The following KANK1 variants were observed in gnomAD, a reference collection of about 807,000 sequenced individuals.
The protein encoded by KANK1 is KN motif and ankyrin repeat domain-containing protein 1.
A neutral mutation model predicts 106.2 loss-of-function variants in KANK1; 109 were observed. The ratio of observed to expected loss-of-function variants is 1.03; its 90% CI spans 0.88 to 1.20. KANK1 has a LOEUF of 1.20. Ranked by LOEUF, KANK1 falls within the 50% of genes most tolerant of loss-of-function variation. The probability of loss-of-function intolerance (pLI) is 0.00; values close to 1 mark genes in which losing one functional copy is unlikely to be tolerated. For missense variants in KANK1, 2,399 were observed against 1,710.7 expected, an observed-to-expected ratio of 1.40 and a Z score of -7.10; for synonymous variants, 873 against 652.2, an observed-to-expected ratio of 1.34 and a Z score of -5.16.
chr9:689,705 T>A (rs1452466287), intron 2 of KANK1, among the ~76,000 whole-genome samples: 4 of 152,060 alleles, frequency 2.6e-5, no homozygotes, highest in African/African-American at 9.7e-5. Context: ...ACAGTGTAGG[T>A]CTCACACCCA....
intron 1 of KANK1, among the ~76,000 whole-genome samples, chr9:505,861 T>G (rs2058734416): frequency 6.6e-6 from 1 of 152,196 alleles, no homozygotes; most frequent in South Asian, 2.1e-4. Flanking sequence ...TGGAGCTGAA[T>G]GGAAATGAGG....
chr9:711,585 C>G lies in KANK1; in HGVS notation c.819C>G (p.Arg273=). ...AGCAGATGGCCATTGCTCTGAAACG[C>G]CTGAAGGAGCTGGAGGAGCAGGTGC... ...IREQMAIALK[R]LKELEEQVRT... Residue 273 remains arginine (R), a synonymous_variant, in exon 3 of 12, where the codon CGC becomes CGG. Transcript: ENST00000382297. The G allele has an allele frequency of 6.2e-7, 1 of 1,614,110 alleles. No homozygotes were observed. Among genetic ancestry groups the G allele is most frequent in the Non-Finnish European group, 8.5e-7 (1 of 1,180,002 alleles).
intron 3 of KANK1, among the ~76,000 whole-genome samples, chr9:718,350 T>TCACC (rs1828326646): frequency 7.1e-6 from 1 of 140,916 alleles, no homozygotes; most frequent in African/African-American, 2.6e-5. Context: ...TCTCACTCTG[T>TCACC]CACCCAGGCT....
chr9:612,731 A>G (rs1830863676), intron 1 of KANK1, among the ~76,000 whole-genome samples: 1 of 152,196 alleles, frequency 6.6e-6, no homozygotes, highest in Non-Finnish European at 1.5e-5. Flanking sequence ...TCAGGCGGCC[A>G]TACTGGAATG....
intron 3 of KANK1, among the ~76,000 whole-genome samples, chr9:714,584 C>T (rs1827179518): frequency 1.3e-5 from 2 of 152,086 alleles, no homozygotes; most frequent in Non-Finnish European, 2.9e-5. Flanking sequence ...TCTTGAACTC[C>T]TGACCTCAGG....
chr9:514,713 C>G (rs2059204592), intron 1 of KANK1, among the ~76,000 whole-genome samples: 1 of 151,660 alleles, frequency 6.6e-6, no homozygotes, highest in East Asian at 1.9e-4. Flanking sequence ...CGTTAGGTTT[C>G]TAGTTTTGGA....
chr9:706,794 G>C (rs1317716667), intron 2 of KANK1: 1 of 985,474 alleles, frequency 1.0e-6, no homozygotes, highest in Non-Finnish European at 1.2e-6. Flanking sequence ...AACCCGCAGA[G>C]AACAGTGGGG....
chr9:538,589 T>C (rs528069473), intron 1 of KANK1, among the ~76,000 whole-genome samples: 1 of 152,216 alleles, frequency 6.6e-6, no homozygotes, highest in Non-Finnish European at 1.5e-5. Flanking sequence ...CCTGCAGAGG[T>C]TCCTTCAAAC....
intron 1 of KANK1, among the ~76,000 whole-genome samples, chr9:505,084 T>G (rs2058684154): frequency 6.6e-6 from 1 of 151,802 alleles, no homozygotes; most frequent in Non-Finnish European, 1.5e-5. Context: ...GCGAGAAAGT[T>G]CGGGCCGGGC....
chr9:574,277 A>C (rs1035561454), intron 1 of KANK1, among the ~76,000 whole-genome samples: 3 of 152,238 alleles, frequency 2.0e-5, no homozygotes, highest in African/African-American at 7.2e-5. Context: ...CTTTACTGAA[A>C]TACCAGAGCC....
intron 1 of KANK1, among the ~76,000 whole-genome samples, chr9:568,680 A>T (rs565709631): frequency 6.6e-6 from 1 of 152,236 alleles, no homozygotes; most frequent in East Asian, 1.9e-4. Context: ...TTTTGTAGAG[A>T]CAAAATCTCA....
At chr9:500,440 T>A (rs1027315805), upstream of KANK1, among the ~76,000 whole-genome samples, 2 of 152,220 alleles carry the variant, frequency 1.3e-5, no homozygotes, top group Non-Finnish European at 2.9e-5. Context: ...CTTCAGTTGA[T>A]GAGCAAGTTG....
At chr9:734,008 C>G (rs373041226) in intron 6 of KANK1, 7 of 149,174 alleles carry the variant, frequency 4.7e-5, no homozygotes, top group African/African-American at 1.7e-4. Context: ...ACTTGGGAAG[C>G]TGAGGTAGGA....
At chr9:625,314 A>G (rs553377214) in intron 1 of KANK1, among the ~76,000 whole-genome samples, 1 of 152,348 alleles carries the variant, frequency 6.6e-6, no homozygotes, top group South Asian at 2.1e-4. Context: ...TCTGTAAGCC[A>G]GAGGTTGAGA....
At chr9:743,695 A>G (rs1393290429) in intron 10 of KANK1, among the ~76,000 whole-genome samples, 5 of 151,992 alleles carry the variant, frequency 3.3e-5, no homozygotes, top group Non-Finnish European at 5.9e-5. Flanking sequence ...TGAGACTCCC[A>G]TCTCTACAAA....
In KANK1 at chr9:745,067, C is replaced by T; in HGVS notation, c.3997-106C>T. The T allele has an allele frequency of 2.6e-6, 4 of 1,538,912 alleles. No individual in the cohort carries two copies. The East Asian group carries it at 6.8e-5, about 26-fold the overall frequency. ...AGCCAGAGCTCTCCTGGCTCGGGCT[C>T]ACAGCTGCTTGTTGCCTGTGGTGGG... On this transcript the variant is annotated intron_variant, in intron 11 of 11. Transcript: ENST00000382297.
At chr9:694,353 C>G (rs1169147866) in intron 2 of KANK1, among the ~76,000 whole-genome samples, 1 of 152,200 alleles carries the variant, frequency 6.6e-6, no homozygotes, top group Non-Finnish European at 1.5e-5. Context: ...CTTTTTTACG[C>G]TTAGAACAGC....
At chr9:709,610 C>CTTTTTT (rs60899850) in intron 2 of KANK1, among the ~76,000 whole-genome samples, 2 of 137,022 alleles carry the variant, frequency 1.5e-5, no homozygotes, top group African/African-American at 5.4e-5. Context: ...GCTTTCATGT[C>CTTTTTT]TTTTTTTTTT....
At chr9:645,727 C>T (rs904292151) in intron 1 of KANK1, among the ~76,000 whole-genome samples, 3 of 150,478 alleles carry the variant, frequency 2.0e-5, no homozygotes, top group Non-Finnish European at 4.4e-5. Flanking sequence ...ACTAAAAATA[C>T]GGAAATTAGC....
Sources: gnomAD v4.1 joint callset for allele counts (sites outside exome capture counted in the v4.1 genomes callset) on GRCh38, gnomAD v4.1.1 for gene constraint, MANE v1.5 for transcripts, NCBI Gene and HGNC (gene_info 2026-07-23, HGNC 2026-07-21) for gene names.